Variants in ZFP64 observed in about 807,000 individuals in gnomAD.
ZFP64 encodes zinc finger protein 64.
ZFP64 carries 14 observed loss-of-function variants against 51.6 expected under a neutral mutation model. The observed-to-expected ratio is 0.27, with a 90% CI of 0.18 to 0.42. The LOEUF (loss-of-function observed/expected upper bound fraction) is 0.42. Among genes scored for constraint, ZFP64 ranks in the 10% least tolerant of loss-of-function variants. The pLI is 1.00. For missense variants in ZFP64, 754 were observed against 906.8 expected (o/e 0.83, Z 2.16); for synonymous variants, 375 against 361.4 (o/e 1.04, Z -0.43).
At chr20:52,172,564 G>A (rs978237412) in intron 2 of ZFP64, among the ~76,000 whole-genome samples, 2 of 151,980 alleles carry the variant, frequency 1.3e-5, no homozygotes, top group Non-Finnish European at 2.9e-5. Context: ...AAGGTGAAAC[G>A]CCCCACATCT....
chr20:52,128,041 G>A (rs1033838276), intron 5 of ZFP64, among the ~76,000 whole-genome samples: 1 of 152,174 alleles, frequency 6.6e-6, no homozygotes, highest in South Asian at 2.1e-4. Flanking sequence ...TGTGTTCCAT[G>A]TGTCTGTTCA....
At chr20:52,158,907 G>C (rs530243671) in intron 5 of ZFP64, among the ~76,000 whole-genome samples, 12 of 152,274 alleles carry the variant, frequency 7.9e-5, no homozygotes, top group Non-Finnish European at 1.5e-4. Flanking sequence ...GCTTACACTG[G>C]GGCTTGCTTG....
intron 5 of ZFP64, among the ~76,000 whole-genome samples, chr20:52,119,590 C>CACATACAT: frequency 6.8e-6 from 1 of 146,830 alleles, no homozygotes; most frequent in African/African-American, 2.5e-5. Flanking sequence ...CACACACACA[C>CACATACAT]ACACACACAT....
chr20:52,090,519 G>A (rs756962052), intron 7 of ZFP64, among the ~76,000 whole-genome samples: 2 of 152,126 alleles, frequency 1.3e-5, no homozygotes, highest in Non-Finnish European at 2.9e-5. Context: ...TGGTTGGGGC[G>A]ACTGGGCATG....
At chr20:52,164,442 T>C (rs1458344972) in intron 4 of ZFP64, among the ~76,000 whole-genome samples, 1 of 152,242 alleles carries the variant, frequency 6.6e-6, no homozygotes, top group Admixed American at 6.5e-5. Flanking sequence ...ATTTTCAAAA[T>C]GGCTGTAACA....
At chr20:52,097,175 C>T in intron 7 of ZFP64, 1 of 800,486 alleles carries the variant, frequency 1.2e-6, no homozygotes. Flanking sequence ...GCCACAGGCT[C>T]TGTGTAGCTC....
intron 5 of ZFP64, among the ~76,000 whole-genome samples, chr20:52,127,955 A>G (rs148692406): frequency 1.7e-4 from 26 of 152,206 alleles, no homozygotes; most frequent in African/African-American, 6.0e-4. Flanking sequence ...ACAAATGTTT[A>G]TTTATTTTTT....
chr20:52,084,826 G>A (rs1317881959), exon 9 of ZFP64: 1 of 1,614,116 alleles, frequency 6.2e-7, no homozygotes, highest in East Asian at 2.2e-5. Context: ...TTGCCCAGAG[G>A]GGCCCGGTTC....
At chr20:52,185,863 G>T (rs938744629) in intron 2 of ZFP64, among the ~76,000 whole-genome samples, 1 of 152,092 alleles carries the variant, frequency 6.6e-6, no homozygotes, top group Non-Finnish European at 1.5e-5. Flanking sequence ...TTACAGGCAT[G>T]AGCCACCGTG....
chr20:52,135,816 T>G (rs62216902), intron 5 of ZFP64, among the ~76,000 whole-genome samples: 22,691 of 151,584 alleles, frequency 0.15, 1,974 homozygotes, highest in Non-Finnish European at 0.2. Flanking sequence ...CAGGCATGAT[T>G]GGCTGGGTTC....
At chr20:52,107,424 G>A (rs1978334935) in intron 5 of ZFP64, among the ~76,000 whole-genome samples, 1 of 152,072 alleles carries the variant, frequency 6.6e-6, no homozygotes, top group Non-Finnish European at 1.5e-5. Flanking sequence ...CTGCCCCAAA[G>A]TAGGACCTTA....
chr20:52,099,508 C>A lies in ZFP64; in HGVS notation c.764-921G>T, dbSNP rs181057603. Among the ~76,000 whole-genome samples the A allele has an allele frequency of 6.6e-5, 10 of 152,240 alleles. No homozygotes were observed. The East Asian group carries it at 1.7e-3, about 26-fold the overall frequency. ...AGAGACTTGAGGTGGTCGACAATAT[C>A]GGGACTTTACTTGGCTCCTGATTAG... is the stretch of plus-strand genomic sequence containing the variant. On this transcript the variant is annotated intron_variant, in intron 5 of 8. Coordinates refer to the ZFP64 transcript ENST00000361387.
chr20:52,147,597 A>G (rs1301813925), downstream of ZFP64, among the ~76,000 whole-genome samples: 1 of 152,216 alleles, frequency 6.6e-6, no homozygotes, highest in Non-Finnish European at 1.5e-5. Context: ...ATTTCTAATA[A>G]ATACCATTCA....
At chr20:52,099,807 T>C (rs1268162923) in intron 5 of ZFP64, among the ~76,000 whole-genome samples, 3 of 152,234 alleles carry the variant, frequency 2.0e-5, no homozygotes, top group Non-Finnish European at 1.5e-5. Flanking sequence ...TTCACTATAG[T>C]CTATTTTTAG....
rs769483069 is a variant in ZFP64 at position 52,184,384 on chromosome 20, C to G, written c.286+2448G>C. Among the ~76,000 whole-genome samples the G allele has an allele frequency of 1.0e-3, 155 of 152,296 alleles. 2 individuals are homozygous for G. The highest frequency in any genetic ancestry group is 3.9e-4 in the East Asian group (2 of 5,184). On this transcript the variant is annotated intron_variant, in intron 2 of 5. Transcript: ENST00000216923. ...GGCATGTGTGATTTCTCTACTTCAC[C>G]ACAGTCCCCACCACTCTCTAACACC...
chr20:52,084,795 C>G, exon 9 of ZFP64: 1 of 1,614,222 alleles, frequency 6.2e-7, no homozygotes, highest in Non-Finnish European at 8.5e-7. Context: ...GTGCTGGGAG[C>G]TGCCCTCTCT....
intron 1 of ZFP64, among the ~76,000 whole-genome samples, chr20:52,189,894 C>T (rs1984251553): frequency 6.6e-6 from 1 of 152,118 alleles, no homozygotes; most frequent in Admixed American, 6.5e-5. Flanking sequence ...TTCTCAGCAA[C>T]AATAAGGTAT....
At chr20:52,177,187 T>G (rs917294125) in intron 2 of ZFP64, among the ~76,000 whole-genome samples, 2 of 152,186 alleles carry the variant, frequency 1.3e-5, no homozygotes, top group Non-Finnish European at 2.9e-5. Context: ...CATCACAGAT[T>G]CTGATGCAGA....
intron 5 of ZFP64, among the ~76,000 whole-genome samples, chr20:52,157,020 T>A (rs1981376844): frequency 6.6e-6 from 1 of 152,182 alleles, no homozygotes; most frequent in Admixed American, 6.5e-5. Context: ...TAGTTTCTCA[T>A]CTCCAGCCAG....
Sources: gnomAD v4.1 joint callset for allele counts (sites outside exome capture counted in the v4.1 genomes callset) on GRCh38, gnomAD v4.1.1 for gene constraint, MANE v1.5 for transcripts, NCBI Gene and HGNC (gene_info 2026-07-23, HGNC 2026-07-21) for gene names.